Variants in MYO3B observed in about 807,000 individuals in gnomAD.
The protein encoded by MYO3B is myosin-IIIb.
Under a neutral mutation model 174.6 loss-of-function variants are expected in MYO3B, and 156 were observed. The ratio of observed to expected loss-of-function variants is 0.89; its 90% CI spans 0.78 to 1.02. The LOEUF (loss-of-function observed/expected upper bound fraction) is 1.02, where lower values mean the gene tolerates loss of function less well. Ranked by LOEUF, MYO3B falls within the 50% of genes least tolerant of loss-of-function variation. The pLI, the probability that MYO3B is intolerant of heterozygous loss-of-function variation, is 0.00. For missense variants in MYO3B, 1,632 were observed against 1,639.4 expected, an observed-to-expected ratio of 1.00 and a Z score of 0.08; for synonymous variants, 563 against 569.1, an observed-to-expected ratio of 0.99 and a Z score of 0.15.
chr2:170,495,087 G>A (rs1220495555), intron 25 of MYO3B, among the ~76,000 whole-genome samples: 2 of 152,194 alleles, frequency 1.3e-5, no homozygotes, highest in African/African-American at 4.8e-5. Flanking sequence ...TCTGGTTTTT[G>A]CAATGCCCTA....
intron 7 of MYO3B, among the ~76,000 whole-genome samples, chr2:170,314,615 T>C (rs1441074798): frequency 6.6e-6 from 1 of 152,200 alleles, no homozygotes; most frequent in Non-Finnish European, 1.5e-5. Flanking sequence ...TTTTATATTA[T>C]TGGTGGGAAA....
intron 16 of MYO3B, among the ~76,000 whole-genome samples, chr2:170,399,922 A>G (rs184569590): frequency 2.6e-5 from 4 of 152,322 alleles, no homozygotes; most frequent in Admixed American, 1.3e-4. Flanking sequence ...GCCGGCAATA[A>G]TGAGAAGGAA....
chr2:170,416,100 C>T (rs370412818), intron 22 of MYO3B, among the ~76,000 whole-genome samples: 2 of 152,136 alleles, frequency 1.3e-5, no homozygotes, highest in Admixed American at 6.5e-5. Context: ...CAGAGACACG[C>T]ACCAGGAGAA....
chr2:170,651,604 A>C (rs574919887), intron 32 of MYO3B, 24 bp from the exon 33 acceptor site: 14 of 1,606,402 alleles, frequency 8.7e-6, no homozygotes, highest in Non-Finnish European at 1.1e-5. Context: ...GACAGTTTAC[A>C]GCAAAGTTTT....
intron 28 of MYO3B, among the ~76,000 whole-genome samples, chr2:170,511,624 A>G (rs973265969): frequency 6.6e-6 from 1 of 152,252 alleles, no homozygotes; most frequent in Non-Finnish European, 1.5e-5. Flanking sequence ...TTTTACAGAT[A>G]GAAGCTAGGA....
At chr2:170,627,137 T>C (rs1181520300) in intron 32 of MYO3B, among the ~76,000 whole-genome samples, 1 of 152,218 alleles carries the variant, frequency 6.6e-6, no homozygotes, top group African/African-American at 2.4e-5. Context: ...GGTAATATCC[T>C]GAAGAGGGTT....
At chr2:170,209,402 CA>C (rs1311388110) in intron 3 of MYO3B, among the ~76,000 whole-genome samples, 3 of 152,098 alleles carry the variant, frequency 2.0e-5, no homozygotes, top group Non-Finnish European at 4.4e-5. Context: ...ATATTCCAAG[CA>C]AAAGTCAAAA....
intron 22 of MYO3B, among the ~76,000 whole-genome samples, chr2:170,436,398 A>C (rs1198983020): frequency 6.6e-6 from 1 of 152,202 alleles, no homozygotes; most frequent in Non-Finnish European, 1.5e-5. Flanking sequence ...TTCATGCTGT[A>C]AATCCTTTGA....
At chr2:170,597,099 T>C (rs971113622) in intron 32 of MYO3B, among the ~76,000 whole-genome samples, 1 of 152,090 alleles carries the variant, frequency 6.6e-6, no homozygotes, top group Admixed American at 6.5e-5. Context: ...AGGTGGGAAG[T>C]AGGCTCCATG....
chr2:170,249,474 G>GGA (rs1259991042), intron 7 of MYO3B, among the ~76,000 whole-genome samples: 5 of 152,158 alleles, frequency 3.3e-5, no homozygotes, highest in African/African-American at 9.7e-5. Context: ...GAGAAATAAG[G>GGA]GAGAGTTACT....
intron 24 of MYO3B, 101 bp downstream of exon 24, chr2:170,463,546 C>T: frequency 2.0e-6 from 2 of 1,017,220 alleles, no homozygotes; most frequent in Non-Finnish European, 1.5e-6. Flanking sequence ...AAGGGCAAAG[C>T]ACAGAGTCAA....
intron 28 of MYO3B, among the ~76,000 whole-genome samples, chr2:170,514,376 C>G (rs1028179513): frequency 1.3e-5 from 2 of 152,160 alleles, no homozygotes; most frequent in Non-Finnish European, 2.9e-5. Flanking sequence ...AGTATGTAGT[C>G]CATCTTCTCC....
At chr2:170,619,737 CTTTT>C (rs71412032) in intron 32 of MYO3B, among the ~76,000 whole-genome samples, 27 of 50,778 alleles carry the variant, frequency 5.3e-4, no homozygotes, top group South Asian at 1.1e-3. Context: ...CTGCCATATT[CTTTT>C]TTTTTTTTTT....
At chr2:170,520,502 C>T (rs191686604) in intron 30 of MYO3B, among the ~76,000 whole-genome samples, 3 of 151,058 alleles carry the variant, frequency 2.0e-5, no homozygotes, top group East Asian at 1.9e-4. Context: ...CACATATATA[C>T]ACACACACAC....
rs575120659 is a variant in MYO3B, at chr2:170,574,293, G to C, written c.3733+30305G>C. Among the ~76,000 whole-genome samples, 71 of 152,142 alleles carry C rather than the reference G, an allele frequency of 4.7e-4. 2 individuals are homozygous for C. The South Asian group carries it at 5.0e-3, about 11-fold the overall frequency. ...TTAATTCTAATTGGCTTTATTTTCA[G>C]TTGGCCGTTATTTGATTTATTGAGA... On this transcript the variant is annotated intron_variant, in intron 32 of 34. Transcript: ENST00000408978.
chr2:170,480,578 T>A (rs1052921250), intron 25 of MYO3B, among the ~76,000 whole-genome samples: 1 of 152,218 alleles, frequency 6.6e-6, no homozygotes, highest in Admixed American at 6.5e-5. Context: ...GAACCCCAAC[T>A]TGAAGCTGGT....
intron 7 of MYO3B, among the ~76,000 whole-genome samples, chr2:170,291,471 G>A (rs1574727703): frequency 1.3e-5 from 2 of 152,048 alleles, no homozygotes; most frequent in Non-Finnish European, 2.9e-5. Context: ...CAAAATTTAC[G>A]GTAATAGAAT....
intron 28 of MYO3B, among the ~76,000 whole-genome samples, chr2:170,511,268 G>A (rs539803944): frequency 2.3e-4 from 35 of 151,212 alleles, no homozygotes; most frequent in African/African-American, 7.0e-4. Context: ...GGGTTTCACC[G>A]TGTTAGCTAG....
chr2:170,320,277 G>A (rs1165075657), intron 7 of MYO3B, among the ~76,000 whole-genome samples: 1 of 152,164 alleles, frequency 6.6e-6, no homozygotes, highest in African/African-American at 2.4e-5. Flanking sequence ...GAACTCTTGG[G>A]CTCAAGCGAT....
Sources: gnomAD v4.1 joint callset for allele counts (sites outside exome capture counted in the v4.1 genomes callset) on GRCh38, gnomAD v4.1.1 for gene constraint, MANE v1.5 for transcripts, NCBI Gene and HGNC (gene_info 2026-07-23, HGNC 2026-07-21) for gene names.